Variants in ATP8A2 observed in about 807,000 individuals in gnomAD.
The protein encoded by ATP8A2 is ATPase phospholipid transporting 8A2.
A neutral mutation model predicts 165.6 loss-of-function variants in ATP8A2; 100 were observed. The ratio of observed to expected loss-of-function variants is 0.60; its 90% CI spans 0.51 to 0.71. ATP8A2 has a LOEUF of 0.71. Among genes scored for constraint, ATP8A2 ranks in the 30% least tolerant of loss-of-function variants. The pLI, the probability that ATP8A2 is intolerant of heterozygous loss-of-function variation, is 0.00. For synonymous variants in ATP8A2, 543 were observed against 548.8 expected (o/e 0.99, Z 0.15); for missense variants, 1,227 against 1,479.5 (o/e 0.83, Z 2.80).
At chr13:25,586,597 T>C (rs917538848) in intron 23 of ATP8A2, among the ~76,000 whole-genome samples, 1 of 152,216 alleles carries the variant, frequency 6.6e-6, no homozygotes, top group African/African-American at 2.4e-5. Flanking sequence ...CCAGTGTTTT[T>C]CATACAGGCA....
At position 25,463,124 on chromosome 13, in the gene ATP8A2, G is replaced by GT. The variant is rs150498785; in HGVS notation, c.77-5852dup. On this transcript the variant is annotated intron_variant, in intron 1 of 36. Coordinates refer to ENST00000381655, the MANE Select transcript of ATP8A2 (RefSeq NM_016529.6). ...GAAGATGAAGGTATTTCTTTCTGAA[G>GT]TGTTTTTTTTTTTTTTTTTGAGATA... is the stretch of plus-strand genomic sequence containing the variant. Among the ~76,000 whole-genome samples, 953 of 127,566 alleles carry GT rather than the reference G, an allele frequency of 7.5e-3. 47 individuals are homozygous for GT. The highest frequency in any genetic ancestry group is 0.02 in the African/African-American group (719 of 35,310). The allele number at this position is 127,566 out of a possible 152,430, so 83.7% of individuals were successfully genotyped here.
intron 2 of ATP8A2, among the ~76,000 whole-genome samples, chr13:25,509,639 G>C (rs2037157868): frequency 6.6e-6 from 1 of 151,834 alleles, no homozygotes; most frequent in African/African-American, 2.4e-5. Flanking sequence ...TCGTAATACT[G>C]TATTTTTCTT....
chr13:25,641,296 G>A (rs2041513817), intron 24 of ATP8A2, among the ~76,000 whole-genome samples: 1 of 152,180 alleles, frequency 6.6e-6, no homozygotes, highest in Non-Finnish European at 1.5e-5. Flanking sequence ...ATTCAATTAG[G>A]AAAAGAGGAA....
chr13:25,667,641 C>CTTTT, intron 24 of ATP8A2, among the ~76,000 whole-genome samples: 1 of 150,568 alleles, frequency 6.6e-6, no homozygotes, highest in East Asian at 2.0e-4. Flanking sequence ...AGATAAGCCT[C>CTTTT]TTTTTTTTTT....
chr13:25,956,071 A>G (rs1955511433), intron 33 of ATP8A2, among the ~76,000 whole-genome samples: 1 of 152,234 alleles, frequency 6.6e-6, no homozygotes. Context: ...ATAAAATTCA[A>G]CACCTCTTCT....
intron 2 of ATP8A2, among the ~76,000 whole-genome samples, chr13:25,525,252 C>G (rs1204969852): frequency 2.6e-5 from 4 of 151,992 alleles, no homozygotes; most frequent in Admixed American, 2.6e-4. Context: ...TTTATACTGC[C>G]TATTTTTTAG....
intron 35 of ATP8A2, among the ~76,000 whole-genome samples, chr13:26,008,172 T>C (rs1956781684): frequency 2.0e-5 from 3 of 151,976 alleles, no homozygotes; most frequent in South Asian, 4.2e-4. Context: ...CACAATGAAG[T>C]AGAGAGTCCT....
intron 24 of ATP8A2, among the ~76,000 whole-genome samples, chr13:25,612,730 G>A (rs2040720443): frequency 6.6e-6 from 1 of 152,050 alleles, no homozygotes; most frequent in African/African-American, 2.4e-5. Context: ...GCTGTCAGTG[G>A]AGTATTGAAG....
intron 33 of ATP8A2, among the ~76,000 whole-genome samples, chr13:25,871,882 A>G (rs1028636978): frequency 8.5e-5 from 13 of 152,158 alleles, no homozygotes; most frequent in African/African-American, 2.7e-4. Flanking sequence ...ACCTGATTTC[A>G]ATGCAGGATG....
rs1278371889 is a variant in ATP8A2 at position 25,836,683 on chromosome 13, T to C, written c.2755-480T>C. ...TTCTGTTTGTAAATCTCTCCATTCC[T>C]GGTGCTTATCACAGTATCTAGCCCA... On this transcript the variant is annotated intron_variant, in intron 28 of 36. Transcript: ENST00000381655. Among the ~76,000 whole-genome samples the C allele has an allele frequency of 2.0e-5, 3 of 152,336 alleles. No homozygotes were observed. The East Asian group carries it at 5.8e-4, about 29-fold the overall frequency.
chr13:25,807,158 T>A (rs924895964), intron 27 of ATP8A2, among the ~76,000 whole-genome samples: 6 of 151,490 alleles, frequency 4.0e-5, no homozygotes, highest in African/African-American at 1.5e-4. Context: ...TATAGTGTTT[T>A]TTTTTTTTTA....
intron 2 of ATP8A2, among the ~76,000 whole-genome samples, chr13:25,476,956 C>T (rs187239036): frequency 5.3e-4 from 81 of 152,266 alleles, no homozygotes; most frequent in African/African-American, 1.4e-3. Context: ...ATCCTGCAGA[C>T]GAAAATATTG....
intron 25 of ATP8A2, among the ~76,000 whole-genome samples, chr13:25,716,022 T>C (rs2043248048): frequency 1.3e-5 from 2 of 152,200 alleles, no homozygotes; most frequent in South Asian, 4.1e-4. Context: ...TCCTAGTGGG[T>C]ATAAAGTGGT....
rs3221410 is a variant in ATP8A2 at position 25,902,939 on chromosome 13, GCACA to G, written c.3183+40561_3183+40564del. Among the ~76,000 whole-genome samples the G allele has an allele frequency of 8.4e-3, 1,178 of 140,472 alleles. 13 individuals are homozygous for G. The highest frequency in any genetic ancestry group is 0.024 in the African/African-American group (887 of 37,432). 92.2% of individuals were successfully genotyped at this position (140,472 alleles called of 152,430 possible). The stretch of plus-strand genomic sequence containing the variant: ...AACTGACTTTATACATCCTCAGCAT[GCACA>G]CACACACACACACACACACACACAC... On this transcript the variant is annotated intron_variant, in intron 33 of 36. Transcript: ENST00000381655.
intron 24 of ATP8A2, among the ~76,000 whole-genome samples, chr13:25,637,341 G>C (rs1475982149): frequency 6.6e-6 from 1 of 152,142 alleles, no homozygotes; most frequent in Non-Finnish European, 1.5e-5. Context: ...CAAGGGGTCA[G>C]GGAATTCCCT....
At chr13:25,693,941 T>G (rs2042782267) in intron 24 of ATP8A2, among the ~76,000 whole-genome samples, 1 of 152,214 alleles carries the variant, frequency 6.6e-6, no homozygotes, top group Non-Finnish European at 1.5e-5. Context: ...CTTGACTCAC[T>G]GCAACCTCTA....
intron 16 of ATP8A2, among the ~76,000 whole-genome samples, chr13:25,564,705 TC>T (rs2039260246): frequency 6.6e-6 from 1 of 152,226 alleles, no homozygotes; most frequent in Admixed American, 6.5e-5. Context: ...TTTTAATTTT[TC>T]TATAAGGGAA....
intron 1 of ATP8A2, among the ~76,000 whole-genome samples, chr13:25,386,182 C>T (rs2033036669): frequency 6.6e-6 from 1 of 152,152 alleles, no homozygotes; most frequent in Non-Finnish European, 1.5e-5. Flanking sequence ...TCCCAAAGTG[C>T]TGGGATTACA....
intron 19 of ATP8A2, among the ~76,000 whole-genome samples, chr13:25,576,156 G>T (rs2039612609): frequency 6.6e-6 from 1 of 152,130 alleles, no homozygotes. Flanking sequence ...AGTTGAGAGA[G>T]AATGCAAATC....
Sources: gnomAD v4.1 joint callset for allele counts (sites outside exome capture counted in the v4.1 genomes callset) on GRCh38, gnomAD v4.1.1 for gene constraint, MANE v1.5 for transcripts, NCBI Gene and HGNC (gene_info 2026-07-23, HGNC 2026-07-21) for gene names.